TRIM24: variants seen among roughly 807,000 people sequenced by gnomAD.
TRIM24 encodes transcription intermediary factor 1-alpha.
TRIM24 carries 29 observed loss-of-function variants against 123.9 expected under a neutral mutation model. That is an observed-to-expected ratio of 0.23 (90% CI 0.17 to 0.32). TRIM24 has a LOEUF of 0.32. Ranked by LOEUF, TRIM24 falls within the 10% of genes least tolerant of loss-of-function variation. The pLI, the probability that TRIM24 is intolerant of heterozygous loss-of-function variation, is 1.00. For missense variants in TRIM24, 932 were observed against 1,295.3 expected, an observed-to-expected ratio of 0.72 and a Z score of 4.31; for synonymous variants, 456 against 461.1, an observed-to-expected ratio of 0.99 and a Z score of 0.14.
In TRIM24 at chr7:138,586,512, C is replaced by A. The variant is rs1584753882; in HGVS notation, c.*1561C>A. 1 of 152,500 alleles carries A rather than the reference C, an allele frequency of 6.6e-6. No individual in the cohort carries two copies. The highest frequency in any genetic ancestry group is 2.1e-4 in the South Asian group (1 of 4,852). The allele number at this position is 152,500 out of a possible 1,614,324, so 9.4% of individuals were successfully genotyped here. A position where few individuals can be genotyped will look rare whatever the true frequency, so the allele number is the denominator to read the frequency against. On this transcript the variant is annotated 3_prime_UTR_variant, in exon 19 of 19. Transcript: ENST00000343526. Reference sequence around the variant, plus strand: ...AGAAAATAACTTGTTAGCAATAGATCCCCATTGTTTATATATATAGGTCTT... The same window carrying A: ...AGAAAATAACTTGTTAGCAATAGATACCCATTGTTTATATATATAGGTCTT...
chr7:138,514,145 G>T (rs770798084), intron 2 of TRIM24, among the ~76,000 whole-genome samples: 2 of 152,198 alleles, frequency 1.3e-5, no homozygotes, highest in Non-Finnish European at 2.9e-5. Context: ...GACATATCAG[G>T]TATTTGGAAT....
At chr7:138,461,140 C>G (rs1460906412) in intron 1 of TRIM24, 4 of 691,380 alleles carry the variant, frequency 5.8e-6, no homozygotes, top group Non-Finnish European at 1.1e-5. Context: ...GACCGCGCCG[C>G]CGCCGCCGCC....
At position 138,494,251 on chromosome 7, in the gene TRIM24, G is replaced by T. The variant is rs541773379; in HGVS notation, c.365-10039G>T. ...TCCACCTCCACCTCCCAAAGTGCTG[G>T]GATTACAGGGGGCCGTGAGCCACTG... is the stretch of plus-strand genomic sequence containing the variant. On this transcript the variant is annotated intron_variant, in intron 1 of 18. Transcript: ENST00000343526. 1.3e-4 allele frequency among the ~76,000 whole-genome samples: 20 copies of T among 152,048 alleles called. No homozygotes were observed. In the South Asian group the frequency reaches 3.9e-3, roughly 30 times the overall value.
At chr7:138,529,563 C>T (rs935975113) in intron 6 of TRIM24, among the ~76,000 whole-genome samples, 12 of 152,088 alleles carry the variant, frequency 7.9e-5, no homozygotes, top group African/African-American at 2.9e-4. Flanking sequence ...TTTAGTGGAG[C>T]AGAATTTTCT....
Position 138,538,710 on chromosome 7 carries a change from T to C in TRIM24, c.1050T>C (p.Ala350=). 3 of 1,614,174 alleles carry C rather than the reference T, an allele frequency of 1.9e-6. No homozygotes were observed. Among genetic ancestry groups the C allele is most frequent in the Non-Finnish European group, 2.5e-6 (3 of 1,180,008 alleles). ...TTATGCAACAACAACAGGAAGTGGC[T>C]GGACTCTCTAAACAATTGGAGCATG... ...MKLMQQQQEV[A]GLSKQLEHVM... is the part of the protein sequence containing the mutation. Residue 350 remains alanine (A), a synonymous_variant, in exon 7 of 19, where the codon GCT becomes GCC. Coordinates refer to ENST00000343526, the MANE Select transcript of TRIM24 (RefSeq NM_015905.3).
At chr7:138,584,559 T>C (rs956287540) in intron 18 of TRIM24, among the ~76,000 whole-genome samples, 183 bp from the exon 19 acceptor site, 1 of 152,230 alleles carries the variant, frequency 6.6e-6, no homozygotes, top group Non-Finnish European at 1.5e-5. Context: ...TTTACTTTTA[T>C]CTTTTTTCCA....
chr7:138,463,053 T>TG (rs1481147765), intron 1 of TRIM24, among the ~76,000 whole-genome samples: 1 of 129,030 alleles, frequency 7.8e-6, no homozygotes, highest in African/African-American at 3.0e-5. Flanking sequence ...GTTTTTTTTT[T>TG]TTTTTTTTTT....
chr7:138,577,198 T>C (rs1797778075), intron 13 of TRIM24, among the ~76,000 whole-genome samples: 1 of 152,212 alleles, frequency 6.6e-6, no homozygotes, highest in African/African-American at 2.4e-5. Flanking sequence ...TTGAAACATC[T>C]TTCTAGATAT....
At position 138,542,288 on chromosome 7, in the gene TRIM24, A is replaced by G. The variant is rs1016151498; in HGVS notation, c.1143+3485A>G. ...TTCTAACTTTTGATTAGTGAGAGTCATGCAACTCTTCCTTTCACTTGAACA... is the reference window on the plus strand; with the variant it reads ...TTCTAACTTTTGATTAGTGAGAGTCGTGCAACTCTTCCTTTCACTTGAACA... On this transcript the variant is annotated intron_variant, in intron 7 of 18. Transcript: ENST00000343526. 1.4e-4 allele frequency among the ~76,000 whole-genome samples: 21 copies of G among 152,232 alleles called. 1 individual carries two copies. Among genetic ancestry groups the G allele is most frequent in the African/African-American group, 4.8e-4 (20 of 41,456 alleles).
intron 1 of TRIM24, among the ~76,000 whole-genome samples, chr7:138,470,577 A>G (rs1687147903): frequency 6.6e-6 from 1 of 152,212 alleles, no homozygotes; most frequent in African/African-American, 2.4e-5. Flanking sequence ...GAAGTCCCAT[A>G]TGGAGGCTGC....
At chr7:138,568,409 T>TA (rs1234989923) in intron 10 of TRIM24, among the ~76,000 whole-genome samples, 43 of 117,322 alleles carry the variant, frequency 3.7e-4, no homozygotes, top group African/African-American at 1.4e-3. Flanking sequence ...TTTTTTTTTT[T>TA]AAAGTCTCTC....
chr7:138,582,278 C>T (rs538924627), intron 17 of TRIM24, among the ~76,000 whole-genome samples: 1 of 152,156 alleles, frequency 6.6e-6, no homozygotes, highest in Non-Finnish European at 1.5e-5. Flanking sequence ...CGCGGTGGCT[C>T]ACGCCTATAA....
At chr7:138,537,379 GTTTTTTTTTT>G (rs71177994) in intron 6 of TRIM24, among the ~76,000 whole-genome samples, 15 of 56,632 alleles carry the variant, frequency 2.6e-4, no homozygotes, top group East Asian at 7.2e-4. Context: ...ACCCCTGTTT[GTTTTTTTTTT>G]TTTTTTTTTT....
At position 138,567,486 on chromosome 7, in the gene TRIM24, G is replaced by A. The variant is rs371905620; in HGVS notation, c.1536G>A (p.Pro512=). 9 of 1,598,840 alleles carry A rather than the reference G, an allele frequency of 5.6e-6. No homozygotes were observed. Among genetic ancestry groups the A allele is most frequent in the African/African-American group, 1.4e-5 (1 of 74,054 alleles). Residue 512 remains proline (P), a synonymous_variant, in exon 10 of 19, where the codon CCG becomes CCA. Transcript: ENST00000343526. ...IQQPSISHQQ[P]PPRLINFQNH... is the part of the protein sequence containing the mutation. ...GTTTAATTTCTTTTTTCTAGCAACC[G>A]CCTCCACGTTTGATAAACTTTCAGA...
chr7:138,515,163 C>G (rs762243595), intron 2 of TRIM24, 49 bp from the exon 3 acceptor site: 1 of 1,580,452 alleles, frequency 6.3e-7, no homozygotes, highest in Non-Finnish European at 8.6e-7. Flanking sequence ...CGAGATAGGA[C>G]CACCTTTTCA....
chr7:138,555,665 G>A (rs1797302075), intron 9 of TRIM24, among the ~76,000 whole-genome samples: 1 of 151,894 alleles, frequency 6.6e-6, no homozygotes, highest in South Asian at 2.1e-4. Flanking sequence ...TGTATTTTTA[G>A]TAGAGATGGG....
chr7:138,533,480 T>G lies in TRIM24; in HGVS notation c.996+4250T>G, dbSNP rs187433288. Among the ~76,000 whole-genome samples the G allele has an allele frequency of 5.2e-3, 794 of 152,302 alleles. 7 individuals carry two copies. The highest frequency in any genetic ancestry group is 0.017 in the African/African-American group (688 of 41,548). On this transcript the variant is annotated intron_variant, in intron 6 of 18. Transcript: ENST00000343526. ...TGCATCTATTGAGATAATCATGTAG[T>G]TTTTGTCTTTGGTTCTGTTTATATG...
intron 5 of TRIM24, among the ~76,000 whole-genome samples, chr7:138,527,886 C>T (rs1206583854): frequency 6.6e-6 from 1 of 152,088 alleles, no homozygotes; most frequent in Middle Eastern, 3.4e-3. Flanking sequence ...AGAACAAAGA[C>T]TGGGCCTAGA....
chr7:138,554,757 G>A lies in TRIM24; in HGVS notation c.1321G>A (p.Val441Met), dbSNP rs181769844. The change falls in exon 9 of 19, where the codon GTG (valine) becomes ATG (methionine). Residue 441 changes from valine (V) to methionine (M), a missense_variant. Val to Met is a conservative substitution (Grantham distance 21). This residue lies in a region of TRIM24 where 527 missense variants were observed against 691.3 expected (regional missense o/e 0.76). Transcript: ENST00000343526. This position sits in a 1 kb window ranked among gnomAD's most constrained non-coding sequence, Gnocchi z 4.5. The stretch of plus-strand genomic sequence containing the variant: ...ACAAATGCCTAAGCAGAATCCTGTC[G>A]TGGAACAGAATTCACAGCCACCAAG... ...QPQMPKQNPV[V>M]EQNSQPPSGL... The A allele has an allele frequency of 5.6e-5, 90 of 1,614,102 alleles. No homozygotes were observed. Among genetic ancestry groups the A allele is most frequent in the African/African-American group, 1.6e-4 (12 of 75,040 alleles).
Sources: allele counts gnomAD v4.1 joint callset (sites outside exome capture counted in the v4.1 genomes callset), GRCh38; gene constraint gnomAD v4.1.1; regional missense constraint gnomAD v4.1.1; non-coding constraint Gnocchi (gnomAD v3.1); transcripts MANE v1.5; gene names NCBI Gene and HGNC (gene_info 2026-07-23, HGNC 2026-07-21).